Variants in SNTG1 observed in about 807,000 individuals in gnomAD.
The protein encoded by SNTG1 is gamma-1-syntrophin.
In SNTG1, 39 loss-of-function variants were observed where a neutral mutation model predicts 74.7. The observed-to-expected ratio is 0.52, with a 90% confidence interval of 0.40 to 0.68. The LOEUF (loss-of-function observed/expected upper bound fraction) is 0.68. Ranked by LOEUF, SNTG1 falls within the 30% of genes least tolerant of loss-of-function variation. The pLI, the probability that SNTG1 is intolerant of heterozygous loss-of-function variation, is 0.00. For synonymous variants in SNTG1, 254 were observed against 217.1 expected, an observed-to-expected ratio of 1.17 and a Z score of -1.49; for missense variants, 685 against 609.5, an observed-to-expected ratio of 1.12 and a Z score of -1.30.
intron 17 of SNTG1, among the ~76,000 whole-genome samples, chr8:50,734,975 C>T (rs1330266701): frequency 8.6e-6 from 1 of 115,892 alleles, no homozygotes; most frequent in Non-Finnish European, 1.7e-5. Context: ...CCATATATAT[C>T]TATCCATATA....
intron 1 of SNTG1, among the ~76,000 whole-genome samples, chr8:49,964,548 T>C (rs1810974055): frequency 6.6e-6 from 1 of 152,214 alleles, no homozygotes; most frequent in Non-Finnish European, 1.5e-5. Context: ...GGCACAGGCA[T>C]ATACTCTATC....
chr8:50,536,685 T>A lies in SNTG1; in HGVS notation c.557T>A (p.Leu186Ter). The A allele has an allele frequency of 6.2e-7, 1 of 1,613,824 alleles. No homozygotes were observed. Among genetic ancestry groups the A allele is most frequent in the Non-Finnish European group, 8.5e-7 (1 of 1,179,786 alleles). The change falls in exon 11 of 19, where the codon TTA (leucine) becomes TAA (stop). Residue 186 changes from leucine to a stop codon, truncating the protein, a stop_gained. Transcript: ENST00000642720. LOFTEE classifies it high-confidence loss of function. The part of the protein sequence containing the change: ...LNYHPNNTDT[L>*]SCSSWPTSPG... ...TATTTATCTTCCTTTCAGGACACAT[T>A]ATCATGCTCGTCGTGGCCGACGTCT... is the stretch of plus-strand genomic sequence containing the variant.
In SNTG1 at chr8:50,137,359, C is replaced by T. The variant is rs150819546; in HGVS notation, c.-102-35202C>T. On this transcript the variant is annotated intron_variant, in intron 1 of 18. Coordinates refer to ENST00000642720, the MANE Select transcript of SNTG1 (RefSeq NM_018967.5). ...GTCCCCCATCTCATTGGACCAATCT[C>T]ATCTCCTGACCACAGCTCTCACTGC... is the stretch of plus-strand genomic sequence containing the variant. Among the ~76,000 whole-genome samples the T allele has an allele frequency of 3.5e-3, 536 of 152,280 alleles. 2 individuals are homozygous for T. Among genetic ancestry groups the T allele is most frequent in the African/African-American group, 0.011 (473 of 41,572 alleles).
At chr8:49,968,012 G>T (rs1470180368) in intron 1 of SNTG1, among the ~76,000 whole-genome samples, 2 of 152,082 alleles carry the variant, frequency 1.3e-5, no homozygotes, top group South Asian at 4.1e-4. Context: ...CAGTACTTCA[G>T]AGAATCACCC....
chr8:50,111,132 ATG>A (rs2080569784), intron 1 of SNTG1, among the ~76,000 whole-genome samples: 2 of 96,568 alleles, frequency 2.1e-5, no homozygotes, highest in South Asian at 1.0e-3. Context: ...ATCAATGCCT[ATG>A]AGTGTTAGTG....
chr8:50,089,457 G>A (rs904489087), intron 1 of SNTG1, among the ~76,000 whole-genome samples: 1 of 151,316 alleles, frequency 6.6e-6, no homozygotes. Context: ...ACTACCATCA[G>A]AGTGAACAGG....
chr8:50,253,238 A>G (rs989686110), intron 2 of SNTG1, among the ~76,000 whole-genome samples: 4 of 152,090 alleles, frequency 2.6e-5, no homozygotes, highest in Admixed American at 6.6e-5. Context: ...ATCCTGACCA[A>G]CATGGAGAAA....
intron 1 of SNTG1, among the ~76,000 whole-genome samples, chr8:49,923,049 C>G (rs532504391): frequency 6.6e-6 from 1 of 152,060 alleles, no homozygotes; most frequent in Non-Finnish European, 1.5e-5. Context: ...GTTTAAGGCC[C>G]TTTTTCTTAG....
chr8:50,675,055 T>C (rs969304500), intron 15 of SNTG1, among the ~76,000 whole-genome samples: 1 of 152,114 alleles, frequency 6.6e-6, no homozygotes, highest in African/African-American at 2.4e-5. Context: ...TCAGTTCTTT[T>C]GCATTTTCTC....
intron 1 of SNTG1, among the ~76,000 whole-genome samples, chr8:50,114,395 G>T (rs796501093): frequency 3.3e-5 from 5 of 152,216 alleles, no homozygotes; most frequent in African/African-American, 1.2e-4. Context: ...GAACCTGGAG[G>T]ACATTGTGCT....
rs2093327859 is a variant in SNTG1, at chr8:50,438,529, A to C, written c.163-14A>C. On this transcript the variant is annotated splice_polypyrimidine_tract_variant and intron_variant, in intron 4 of 18. Coordinates refer to ENST00000642720, the MANE Select transcript of SNTG1 (RefSeq NM_018967.5). ...TAGGAAACACTAACCATTCTTAAAAATCCTGTCTTTCAGGAAAGAACGGTG... is the reference window on the plus strand; with the variant it reads ...TAGGAAACACTAACCATTCTTAAAACTCCTGTCTTTCAGGAAAGAACGGTG... 5.6e-6 allele frequency: 9 copies of C among 1,611,740 alleles called. No individual in the cohort carries two copies. The East Asian group carries it at 2.0e-4, about 36-fold the overall frequency.
At chr8:50,459,710 CT>C (rs1431993620) in intron 8 of SNTG1, among the ~76,000 whole-genome samples, 1 of 152,118 alleles carries the variant, frequency 6.6e-6, no homozygotes, top group Non-Finnish European at 1.5e-5. Context: ...TTGCTGCCAT[CT>C]TTGTGTCCAT....
intron 2 of SNTG1, among the ~76,000 whole-genome samples, chr8:50,284,284 G>A (rs1415047760): frequency 6.7e-6 from 1 of 150,226 alleles, no homozygotes; most frequent in Non-Finnish European, 1.5e-5. Context: ...TGAATAGATT[G>A]AGATTATAGA....
Position 50,531,019 on chromosome 8 carries a change from T to C in SNTG1, c.549+760T>C, listed in dbSNP as rs527259145. On this transcript the variant is annotated intron_variant, in intron 10 of 18. Transcript: ENST00000642720. ...GAATTTTATTGTTCTATTCCACATA[T>C]CATGGTACATACGTCATATAGCTTC... 1.2e-3 allele frequency among the ~76,000 whole-genome samples: 183 copies of C among 152,312 alleles called. No individual in the cohort carries two copies. The Middle Eastern group carries it at 0.014, about 11-fold the overall frequency.
At chr8:50,249,579 G>A (rs934413217) in intron 2 of SNTG1, among the ~76,000 whole-genome samples, 2 of 152,160 alleles carry the variant, frequency 1.3e-5, no homozygotes, top group African/African-American at 4.8e-5. Context: ...CAATTCAGAA[G>A]AGCCTACCAC....
chr8:50,260,787 A>G (rs2087151552), intron 2 of SNTG1, among the ~76,000 whole-genome samples: 1 of 151,768 alleles, frequency 6.6e-6, no homozygotes, highest in African/African-American at 2.4e-5. Context: ...CAAGAAATTA[A>G]AAGTATTGCA....
chr8:50,700,132 A>G (rs1337037114), intron 15 of SNTG1, among the ~76,000 whole-genome samples: 1 of 152,216 alleles, frequency 6.6e-6, no homozygotes, highest in African/African-American at 2.4e-5. Context: ...AAAGAGGAAT[A>G]TATACATTCT....
At chr8:50,263,792 A>T (rs1378306333) in intron 2 of SNTG1, among the ~76,000 whole-genome samples, 1 of 152,188 alleles carries the variant, frequency 6.6e-6, no homozygotes, top group Non-Finnish European at 1.5e-5. Context: ...AAGCAGAAAA[A>T]GCACAATAAT....
In SNTG1 at chr8:50,165,542, T is replaced by C. The variant is rs190621084; in HGVS notation, c.-102-7019T>C. On this transcript the variant is annotated intron_variant, in intron 1 of 18. Transcript: ENST00000642720. ...AAGAGTACAATTGACTTAATATTGC[T>C]TAATTTAAGTGAAGCAATTAAATTT... 3.6e-4 allele frequency among the ~76,000 whole-genome samples: 55 copies of C among 152,342 alleles called. 2 individuals carry two copies. The highest frequency in any genetic ancestry group is 4.6e-4 in the Admixed American group (7 of 15,304).
Sources: gnomAD v4.1 joint callset for allele counts (sites outside exome capture counted in the v4.1 genomes callset) on GRCh38, gnomAD v4.1.1 for gene constraint, MANE v1.5 for transcripts, NCBI Gene and HGNC (gene_info 2026-07-23, HGNC 2026-07-21) for gene names.